The following LSAMP variants were observed in gnomAD, a reference collection of about 807,000 sequenced individuals.
LSAMP encodes the protein limbic system-associated membrane protein.
LSAMP carries 7 observed loss-of-function variants against 38.6 expected under a neutral mutation model. The ratio of observed to expected loss-of-function variants is 0.18; its 90% CI spans 0.10 to 0.34. The LOEUF (loss-of-function observed/expected upper bound fraction) is 0.34, where lower values mean the gene tolerates loss of function less well. Among genes scored for constraint, LSAMP ranks in the 10% least tolerant of loss-of-function variants. The probability of loss-of-function intolerance (pLI) is 1.00; values close to 1 mark genes in which losing one functional copy is unlikely to be tolerated. For missense variants in LSAMP, 313 were observed against 420.0 expected, an observed-to-expected ratio of 0.75 and a Z score of 2.23; for synonymous variants, 154 against 166.8, an observed-to-expected ratio of 0.92 and a Z score of 0.59.
In LSAMP at chr3:116,271,800, G is replaced by A. The variant is rs899471275; in HGVS notation, c.155+173077C>T. On this transcript the variant is annotated intron_variant, in intron 1 of 6. Transcript: ENST00000490035. Reference sequence around the variant, plus strand: ...GCTGCACTTTCATTACTGTTCCGTGGGTACAGTAATCCAATAATATGCAAA... The same window carrying A: ...GCTGCACTTTCATTACTGTTCCGTGAGTACAGTAATCCAATAATATGCAAA... Among the ~76,000 whole-genome samples, 7 of 151,870 alleles carry A rather than the reference G, an allele frequency of 4.6e-5. No individual in the cohort carries two copies. The East Asian group carries it at 1.2e-3, about 25-fold the overall frequency.
intron 1 of LSAMP, among the ~76,000 whole-genome samples, chr3:116,285,334 T>G (rs2047180969): frequency 1.3e-5 from 2 of 152,142 alleles, no homozygotes; most frequent in Non-Finnish European, 2.9e-5. Flanking sequence ...GAACCCCATC[T>G]CCCACCAGAC....
At position 115,850,710 on chromosome 3, in the gene LSAMP, T is replaced by A. The variant is rs146028276; in HGVS notation, c.649+1773A>T. Among the ~76,000 whole-genome samples the A allele has an allele frequency of 8.6e-4, 131 of 152,330 alleles. 1 individual carries two copies. Among genetic ancestry groups the A allele is most frequent in the African/African-American group, 3.0e-3 (124 of 41,578 alleles). On this transcript the variant is annotated intron_variant, in intron 4 of 6. Coordinates refer to ENST00000490035, the MANE Select transcript of LSAMP (RefSeq NM_002338.5). ...CCTTGCTTCTTGGAAATGAGTGCCA[T>A]AAACTATAGCAGAGTCATTTGTTTC...
intron 2 of LSAMP, 54 bp downstream of exon 2, chr3:116,086,270 A>C: frequency 7.5e-7 from 1 of 1,325,268 alleles, no homozygotes. Flanking sequence ...GTACATTATT[A>C]TTCTGCAACT....
At chr3:116,063,471 A>G (rs1941631412) in intron 2 of LSAMP, among the ~76,000 whole-genome samples, 1 of 152,236 alleles carries the variant, frequency 6.6e-6, no homozygotes, top group African/African-American at 2.4e-5. Flanking sequence ...AAAAATAAAC[A>G]GAATAGCTGT....
At chr3:116,199,131 G>A (rs545172422) in intron 1 of LSAMP, among the ~76,000 whole-genome samples, 36 of 151,038 alleles carry the variant, frequency 2.4e-4, no homozygotes, top group African/African-American at 8.0e-4. Flanking sequence ...TCAGAACTCA[G>A]TAGAAAAATT....
intron 2 of LSAMP, among the ~76,000 whole-genome samples, chr3:116,072,278 A>G (rs2107384397): frequency 6.6e-6 from 1 of 152,256 alleles, no homozygotes; most frequent in African/African-American, 2.4e-5. Context: ...CCCCGCCAGC[A>G]TATTTTCTTT....
At chr3:116,247,056 A>G (rs1177408236) in intron 1 of LSAMP, among the ~76,000 whole-genome samples, 1 of 152,202 alleles carries the variant, frequency 6.6e-6, no homozygotes, top group Non-Finnish European at 1.5e-5. Flanking sequence ...AACAAGCTGG[A>G]AAAATTACAT....
intron 4 of LSAMP, among the ~76,000 whole-genome samples, chr3:115,844,518 TG>T (rs991816201): frequency 2.6e-5 from 4 of 152,138 alleles, no homozygotes; most frequent in Non-Finnish European, 5.9e-5. Context: ...AGTGGTGCTG[TG>T]GGGGAGATAT....
chr3:116,148,542 A>G (rs1221562815), intron 1 of LSAMP, among the ~76,000 whole-genome samples: 2 of 152,028 alleles, frequency 1.3e-5, no homozygotes, highest in Non-Finnish European at 2.9e-5. Flanking sequence ...GGCACAAACC[A>G]GTGATCAAGA....
chr3:116,043,859 T>C (rs1025140393), intron 2 of LSAMP, among the ~76,000 whole-genome samples: 4 of 152,194 alleles, frequency 2.6e-5, no homozygotes, highest in Admixed American at 1.3e-4. Flanking sequence ...GGCAGGAGAA[T>C]GGCGTGAACC....
intron 1 of LSAMP, among the ~76,000 whole-genome samples, chr3:116,404,217 T>C (rs940929988): frequency 1.2e-4 from 19 of 152,270 alleles, no homozygotes; most frequent in African/African-American, 3.9e-4. Flanking sequence ...CATGATTATA[T>C]TGATTGCAAA....
At chr3:116,160,315 C>T (rs1314161345) in intron 1 of LSAMP, among the ~76,000 whole-genome samples, 2 of 150,486 alleles carry the variant, frequency 1.3e-5, no homozygotes, top group African/African-American at 4.9e-5. Flanking sequence ...AGGAGAATTG[C>T]TTGAACCCGG....
intron 1 of LSAMP, among the ~76,000 whole-genome samples, chr3:116,356,276 A>T (rs2048222586): frequency 6.6e-6 from 1 of 152,222 alleles, no homozygotes; most frequent in Admixed American, 6.5e-5. Flanking sequence ...TCTCTGTAAC[A>T]ACATGGATGG....
intron 1 of LSAMP, among the ~76,000 whole-genome samples, chr3:116,227,448 C>T (rs530932204): frequency 6.6e-6 from 1 of 152,282 alleles, no homozygotes; most frequent in East Asian, 1.9e-4. Context: ...AAACTTAGCA[C>T]AATACCAAAT....
intron 1 of LSAMP, among the ~76,000 whole-genome samples, chr3:116,153,127 T>A (rs1306861759): frequency 6.6e-6 from 1 of 151,962 alleles, no homozygotes; most frequent in Non-Finnish European, 1.5e-5. Flanking sequence ...ACTGAAAAAA[T>A]TTGCCTCAAA....
At chr3:116,180,712 C>T (rs750429977) in intron 1 of LSAMP, among the ~76,000 whole-genome samples, 7 of 152,006 alleles carry the variant, frequency 4.6e-5, no homozygotes, top group Non-Finnish European at 8.8e-5. Context: ...AATTACATCT[C>T]TAGTTTATAA....
chr3:116,432,466 T>A (rs2049294100), intron 1 of LSAMP, among the ~76,000 whole-genome samples: 1 of 151,776 alleles, frequency 6.6e-6, no homozygotes, highest in South Asian at 2.1e-4. Flanking sequence ...CTTAGAAGAA[T>A]TAGATTTTGA....
chr3:115,952,813 T>G (rs1383966868), intron 3 of LSAMP, among the ~76,000 whole-genome samples: 1 of 152,152 alleles, frequency 6.6e-6, no homozygotes, highest in Non-Finnish European at 1.5e-5. Flanking sequence ...GATAAAGTGA[T>G]GTCAAAATAT....
intron 6 of LSAMP, among the ~76,000 whole-genome samples, chr3:115,824,769 T>C (rs1223091212): frequency 6.6e-6 from 1 of 152,104 alleles, no homozygotes; most frequent in Non-Finnish European, 1.5e-5. Context: ...TGTTGATTCT[T>C]CTTAGTTGTT....
Sources: gnomAD v4.1 joint callset for allele counts (sites outside exome capture counted in the v4.1 genomes callset) on GRCh38, gnomAD v4.1.1 for gene constraint, MANE v1.5 for transcripts, NCBI Gene and HGNC (gene_info 2026-07-23, HGNC 2026-07-21) for gene names.